NRXN1: variants seen among roughly 807,000 people sequenced by gnomAD.
NRXN1 encodes neurexin-1.
NRXN1 carries 39 observed loss-of-function variants against 150.9 expected under a neutral mutation model. The observed-to-expected ratio is 0.26, with a 90% CI of 0.20 to 0.34. The LOEUF (loss-of-function observed/expected upper bound fraction) is 0.34, where lower values mean the gene tolerates loss of function less well. Ranked by LOEUF, NRXN1 falls within the 10% of genes least tolerant of loss-of-function variation. The pLI is 1.00. For synonymous variants in NRXN1, 924 were observed against 757.0 expected (o/e 1.22, Z -3.62); for missense variants, 1,815 against 1,949.9 (o/e 0.93, Z 1.30).
chr2:50,472,030 A>G (rs2089521546), intron 16 of NRXN1, among the ~76,000 whole-genome samples: 1 of 135,702 alleles, frequency 7.4e-6, no homozygotes, highest in African/African-American at 2.8e-5. Context: ...AAAAACAAAA[A>G]CAAAAACAAA....
At chr2:50,220,131 C>T (rs1166595919) in intron 18 of NRXN1, among the ~76,000 whole-genome samples, 6 of 148,432 alleles carry the variant, frequency 4.0e-5, no homozygotes, top group African/African-American at 1.2e-4. Flanking sequence ...TAACACAAAG[C>T]ATAATCAGCC....
In NRXN1 at chr2:50,916,391, T is replaced by C. The variant is rs148909552; in HGVS notation, c.832+5478A>G. ...TTTATCTAGTTTAAGAGCTAAAGAC[T>C]ATAGAAAATTACATTGTTTTTTAAC... is the stretch of plus-strand genomic sequence containing the variant. On this transcript the variant is annotated intron_variant, in intron 5 of 22. Transcript: ENST00000401669. Among the ~76,000 whole-genome samples, 1,210 of 151,558 alleles carry C rather than the reference T, an allele frequency of 8.0e-3. 15 individuals are homozygous for C. Among genetic ancestry groups the C allele is most frequent in the African/African-American group, 0.028 (1,147 of 41,444 alleles).
At chr2:50,781,048 G>A (rs953901509) in intron 5 of NRXN1, among the ~76,000 whole-genome samples, 12 of 152,228 alleles carry the variant, frequency 7.9e-5, no homozygotes, top group African/African-American at 2.6e-4. Flanking sequence ...AGAATCCTAG[G>A]CCAGAGATGA....
chr2:50,255,913 C>A (rs2067653393), intron 17 of NRXN1, among the ~76,000 whole-genome samples: 2 of 152,046 alleles, frequency 1.3e-5, no homozygotes, highest in African/African-American at 4.8e-5. Flanking sequence ...GATCATTTAT[C>A]AAAGAATGAC....
At chr2:50,300,826 G>T (rs941322861) in intron 17 of NRXN1, among the ~76,000 whole-genome samples, 2 of 152,132 alleles carry the variant, frequency 1.3e-5, no homozygotes, top group African/African-American at 2.4e-5. Flanking sequence ...CTCCTGAGTA[G>T]CCGGGATTAC....
chr2:50,399,596 C>T (rs572567737), intron 17 of NRXN1, among the ~76,000 whole-genome samples: 1 of 151,684 alleles, frequency 6.6e-6, no homozygotes, highest in Admixed American at 6.6e-5. Flanking sequence ...GCCCAGGGCC[C>T]ATCACTTGTG....
At chr2:50,901,995 C>T (rs749992722) in intron 5 of NRXN1, among the ~76,000 whole-genome samples, 1 of 151,896 alleles carries the variant, frequency 6.6e-6, no homozygotes, top group South Asian at 2.1e-4. Flanking sequence ...GCTTCTATAC[C>T]AAACTAGAAT....
chr2:50,252,286 G>T (rs1447678101), intron 17 of NRXN1, among the ~76,000 whole-genome samples: 1 of 97,090 alleles, frequency 1.0e-5, no homozygotes, highest in African/African-American at 4.1e-5. Context: ...TTGAGACAGA[G>T]TATCCCTCTA....
rs1456330432 is a variant in NRXN1, at chr2:51,028,132, C to T, written c.142G>A (p.Ala48Thr). 2 of 1,562,488 alleles carry T rather than the reference C, an allele frequency of 1.3e-6. No homozygotes were observed. The highest frequency in any genetic ancestry group is 1.7e-6 in the Non-Finnish European group (2 of 1,156,830). The stretch of plus-strand genomic sequence containing the variant: ...AAGCTCATCTCGCTCTCGCAGCAGG[C>T]GTTCCACTTGGGGAAGCGCGTCCAT... ...GQWTRFPKWN[A>T]CCESEMSFQL... is the part of the protein sequence containing the mutation. The change falls in exon 2 of 23, where the codon GCC becomes ACC. Residue 48 changes from alanine to threonine, a missense_variant. Physicochemically the swap from Ala to Thr is moderately conservative, Grantham distance 58 (BLOSUM62 0). This residue lies in a region of NRXN1 where 554 missense variants were observed against 478.8 expected (regional missense o/e 1.16). Transcript: ENST00000401669.
chr2:49,980,795 ATTTAT>A (rs915825517), intron 21 of NRXN1, among the ~76,000 whole-genome samples: 32 of 152,074 alleles, frequency 2.1e-4, no homozygotes, highest in African/African-American at 7.5e-4. Context: ...CTAGAAAATA[ATTTAT>A]TTTCAGAGGG....
intron 18 of NRXN1, among the ~76,000 whole-genome samples, chr2:50,226,346 C>T (rs1386317710): frequency 6.6e-6 from 1 of 151,898 alleles, no homozygotes; most frequent in Non-Finnish European, 1.5e-5. Context: ...AAATATCAGC[C>T]TATTTTCTGT....
chr2:50,392,888 G>T (rs1332304398), intron 17 of NRXN1, among the ~76,000 whole-genome samples: 1 of 152,032 alleles, frequency 6.6e-6, no homozygotes, highest in Non-Finnish European at 1.5e-5. Flanking sequence ...GGAGGGTAAG[G>T]CAGGAAGATT....
chr2:50,197,518 A>G (rs191919497), intron 18 of NRXN1, among the ~76,000 whole-genome samples: 175 of 152,272 alleles, frequency 1.1e-3, no homozygotes, highest in African/African-American at 4.1e-3. Flanking sequence ...AGATTGAAGT[A>G]ACGCATCTTT....
chr2:50,435,661 A>G (rs563997913), intron 17 of NRXN1, among the ~76,000 whole-genome samples: 95 of 152,168 alleles, frequency 6.2e-4, no homozygotes, highest in Non-Finnish European at 1.1e-3. Context: ...TATATACCCA[A>G]TAATGGGATT....
At chr2:50,558,475 T>C (rs1668566274) in intron 8 of NRXN1, among the ~76,000 whole-genome samples, 1 of 152,188 alleles carries the variant, frequency 6.6e-6, no homozygotes, top group Non-Finnish European at 1.5e-5. Flanking sequence ...TATTTTTCCT[T>C]CATTTGTTGT....
At chr2:50,768,895 C>T (rs1702665948) in intron 5 of NRXN1, among the ~76,000 whole-genome samples, 2 of 151,364 alleles carry the variant, frequency 1.3e-5, no homozygotes, top group African/African-American at 2.4e-5. Context: ...ACAACCACCA[C>T]GAACAACAAC....
chr2:50,899,357 T>C (rs1397275168), intron 5 of NRXN1, among the ~76,000 whole-genome samples: 1 of 152,132 alleles, frequency 6.6e-6, no homozygotes, highest in Non-Finnish European at 1.5e-5. Context: ...GCTTTGACAA[T>C]GACAAATAGA....
rs544783483 is a variant in NRXN1, at chr2:49,993,139, C to T, written c.4129-49348G>A. On this transcript the variant is annotated intron_variant, in intron 21 of 22. Coordinates refer to ENST00000401669, the MANE Select transcript of NRXN1 (RefSeq NM_001330078.2). ...CTTATAGCGGCTTTATTTATAATTG[C>T]CAAAACTTGGAACCAACCAAGGTAT... Among the ~76,000 whole-genome samples the T allele has an allele frequency of 3.3e-5, 5 of 152,172 alleles. No homozygotes were observed. The East Asian group carries it at 5.8e-4, about 18-fold the overall frequency.
intron 17 of NRXN1, among the ~76,000 whole-genome samples, chr2:50,254,925 G>A (rs1178236887): frequency 6.6e-6 from 1 of 151,974 alleles, no homozygotes; most frequent in Non-Finnish European, 1.5e-5. Flanking sequence ...TCCCACCTCA[G>A]CCTCCCAGAT....
Sources: allele counts gnomAD v4.1 joint callset (sites outside exome capture counted in the v4.1 genomes callset), GRCh38; gene constraint gnomAD v4.1.1; regional missense constraint gnomAD v4.1.1; transcripts MANE v1.5; gene names NCBI Gene and HGNC (gene_info 2026-07-23, HGNC 2026-07-21).